SLC24A3: variants seen among roughly 807,000 people sequenced by gnomAD.
The protein encoded by SLC24A3 is sodium/potassium/calcium exchanger 3.
A neutral mutation model predicts 75.8 loss-of-function variants in SLC24A3; 28 were observed. The observed-to-expected ratio is 0.37, with a 90% confidence interval of 0.27 to 0.51. SLC24A3 has a LOEUF of 0.51. SLC24A3 is among the 20% of genes least tolerant of loss of function. SLC24A3 has a pLI of 0.94. For synonymous variants in SLC24A3, 372 were observed against 334.1 expected, an observed-to-expected ratio of 1.11 and a Z score of -1.24; for missense variants, 663 against 847.8, an observed-to-expected ratio of 0.78 and a Z score of 2.71.
intron 2 of SLC24A3, among the ~76,000 whole-genome samples, chr20:19,465,187 C>T (rs1010672473): frequency 1.3e-5 from 2 of 152,168 alleles, no homozygotes; most frequent in East Asian, 1.9e-4. Flanking sequence ...TTTCACGGAG[C>T]GATAGCCAGC....
chr20:19,346,744 A>G (rs1397923995), intron 2 of SLC24A3, among the ~76,000 whole-genome samples: 1 of 152,120 alleles, frequency 6.6e-6, no homozygotes, highest in Admixed American at 6.6e-5. Flanking sequence ...TACGGTGTAC[A>G]CTGCTCGGGT....
At position 19,424,484 on chromosome 20, in the gene SLC24A3, GTT is replaced by G. The variant is rs58025900; in HGVS notation, c.272-91003_272-91002del. On this transcript the variant is annotated intron_variant, in intron 2 of 16. Coordinates refer to ENST00000328041, the MANE Select transcript of SLC24A3 (RefSeq NM_020689.4). ...GCGGGTGAATCATTTAAGGTCAGGA[GTT>G]CAAGACCAGCCTGGCCAACATGGTG... 0.027 allele frequency among the ~76,000 whole-genome samples: 4,088 copies of G among 152,142 alleles called. 399 individuals are homozygous for G. The East Asian group carries it at 0.38, about 14-fold the overall frequency.
intron 6 of SLC24A3, among the ~76,000 whole-genome samples, chr20:19,590,455 A>T (rs1488568330): frequency 6.6e-6 from 1 of 152,156 alleles, no homozygotes; most frequent in Non-Finnish European, 1.5e-5. Context: ...AGGGGAGGCC[A>T]AAAACCACAC....
chr20:19,247,513 C>T (rs759941503), intron 1 of SLC24A3, among the ~76,000 whole-genome samples: 4 of 152,128 alleles, frequency 2.6e-5, no homozygotes, highest in Non-Finnish European at 4.4e-5. Flanking sequence ...ATATGAGGCT[C>T]ATAGCCACTG....
At chr20:19,406,702 G>T (rs534986365) in intron 2 of SLC24A3, among the ~76,000 whole-genome samples, 1 of 152,288 alleles carries the variant, frequency 6.6e-6, no homozygotes, top group South Asian at 2.1e-4. Flanking sequence ...TTACATTTGG[G>T]GACCTGGGGG....
intron 2 of SLC24A3, among the ~76,000 whole-genome samples, chr20:19,487,916 T>G (rs1988151737): frequency 6.6e-6 from 1 of 152,224 alleles, no homozygotes; most frequent in Non-Finnish European, 1.5e-5. Context: ...CCTACAGAGT[T>G]TTGTTTTGTT....
chr20:19,603,883 C>T (rs1363639651), intron 6 of SLC24A3, among the ~76,000 whole-genome samples: 1 of 152,182 alleles, frequency 6.6e-6, no homozygotes, highest in African/African-American at 2.4e-5. Context: ...CAATGGTAGC[C>T]TCTGTTACCC....
chr20:19,314,962 G>T (rs769098834), intron 2 of SLC24A3, among the ~76,000 whole-genome samples: 1 of 152,148 alleles, frequency 6.6e-6, no homozygotes, highest in East Asian at 1.9e-4. Context: ...TGCATGTTGT[G>T]GCATTTGGTC....
At chr20:19,227,205 T>C (rs554853270) in intron 1 of SLC24A3, among the ~76,000 whole-genome samples, 1 of 152,360 alleles carries the variant, frequency 6.6e-6, no homozygotes, top group East Asian at 1.9e-4. Context: ...TTTGCCTTCC[T>C]TCTTTACCGA....
chr20:19,657,503 A>G (rs2122713254), intron 7 of SLC24A3, among the ~76,000 whole-genome samples: 1 of 152,362 alleles, frequency 6.6e-6, no homozygotes, highest in East Asian at 1.9e-4. Context: ...CATAGAAATG[A>G]TAATTTCTGG....
chr20:19,377,601 CA>C (rs762084212), intron 2 of SLC24A3, among the ~76,000 whole-genome samples: 2 of 152,148 alleles, frequency 1.3e-5, no homozygotes, highest in Non-Finnish European at 2.9e-5. Context: ...AAACATTTTT[CA>C]AAATCTGTTG....
At chr20:19,374,626 C>G (rs1254395220) in intron 2 of SLC24A3, among the ~76,000 whole-genome samples, 2 of 152,154 alleles carry the variant, frequency 1.3e-5, no homozygotes, top group Non-Finnish European at 2.9e-5. Flanking sequence ...TGATTCTCAC[C>G]CCAAGCCTGT....
intron 2 of SLC24A3, among the ~76,000 whole-genome samples, chr20:19,289,130 T>G (rs774534066): frequency 6.6e-6 from 1 of 152,274 alleles, no homozygotes; most frequent in Non-Finnish European, 1.5e-5. Flanking sequence ...ATATTGCATA[T>G]TTTTAATGTC....
intron 1 of SLC24A3, among the ~76,000 whole-genome samples, chr20:19,241,548 G>A (rs1037599203): frequency 6.6e-6 from 1 of 152,198 alleles, no homozygotes; most frequent in African/African-American, 2.4e-5. Context: ...AGCTCTGCCA[G>A]GTCTGAATTC....
At chr20:19,376,006 C>T (rs926087456) in intron 2 of SLC24A3, among the ~76,000 whole-genome samples, 10 of 152,052 alleles carry the variant, frequency 6.6e-5, no homozygotes, top group Admixed American at 2.6e-4. Context: ...AAAGGGAAGT[C>T]GAGGACAGCC....
chr20:19,334,883 C>G (rs1367165301), intron 2 of SLC24A3, among the ~76,000 whole-genome samples: 1 of 152,070 alleles, frequency 6.6e-6, no homozygotes, highest in Admixed American at 6.6e-5. Context: ...GCTGAATGTC[C>G]CCTCCCAGCC....
intron 2 of SLC24A3, among the ~76,000 whole-genome samples, chr20:19,408,987 A>G (rs1306390675): frequency 6.6e-6 from 1 of 152,204 alleles, no homozygotes; most frequent in African/African-American, 2.4e-5. Flanking sequence ...AGGGATGCAC[A>G]TGAGAAATAG....
intron 1 of SLC24A3, among the ~76,000 whole-genome samples, chr20:19,234,550 AC>A (rs1400605876): frequency 1.3e-5 from 2 of 152,186 alleles, no homozygotes; most frequent in East Asian, 3.8e-4. Context: ...AAAAATGCAG[AC>A]CTTCTTGGGG....
chr20:19,283,116 A>T (rs1983707938), intron 2 of SLC24A3: 1 of 152,642 alleles, frequency 6.6e-6, no homozygotes, highest in Admixed American at 6.5e-5. Flanking sequence ...TGGATCCAGG[A>T]GGGACAATCT....
Sources: allele counts gnomAD v4.1 joint callset (sites outside exome capture counted in the v4.1 genomes callset), GRCh38; gene constraint gnomAD v4.1.1; transcripts MANE v1.5; gene names NCBI Gene and HGNC (gene_info 2026-07-23, HGNC 2026-07-21).